SLC26A9: variants seen among roughly 807,000 people sequenced by gnomAD.
SLC26A9 encodes the protein anion transporter/exchanger protein 9.
Under a neutral mutation model 87.1 loss-of-function variants are expected in SLC26A9, and 46 were observed. The ratio of observed to expected loss-of-function variants is 0.53; its 90% CI spans 0.42 to 0.67. SLC26A9 has a LOEUF of 0.67. SLC26A9 is among the 30% of genes least tolerant of loss of function. The pLI is 0.00. For synonymous variants in SLC26A9, 437 were observed against 409.1 expected, an observed-to-expected ratio of 1.07 and a Z score of -0.82; for missense variants, 927 against 1,018.3, an observed-to-expected ratio of 0.91 and a Z score of 1.22.
Position 205,915,209 on chromosome 1 carries a change from G to A in SLC26A9, c.*148C>T, listed in dbSNP as rs1558116713. ...CTGGAGATGCGGGGAGGGAAGGAAG[G>A]GAGGAGAGAGGGGGAGAGGAGAGAG... On this transcript the variant is annotated 3_prime_UTR_variant, in exon 21 of 21. Coordinates refer to ENST00000367135, the MANE Select transcript of SLC26A9 (RefSeq NM_052934.4). The A allele has an allele frequency of 1.2e-6, 2 of 1,608,414 alleles. No individual in the cohort carries two copies. The highest frequency in any genetic ancestry group is 4.5e-5 in the East Asian group (2 of 44,776).
At chr1:205,928,959 G>A (rs1038192853) in intron 7 of SLC26A9, 50 bp from the exon 8 acceptor site, 23 of 1,593,862 alleles carry the variant, frequency 1.4e-5, no homozygotes, top group Non-Finnish European at 1.8e-5. Flanking sequence ...GTGGGGCCAG[G>A]GCAGGCGTCT....
chr1:205,916,616 T>A (rs1222420207), intron 20 of SLC26A9, among the ~76,000 whole-genome samples: 1 of 152,170 alleles, frequency 6.6e-6, no homozygotes, highest in East Asian at 1.9e-4. Flanking sequence ...GCCAATCTTG[T>A]GTGGTGGATG....
At chr1:205,922,129 G>A (rs978020461) in intron 16 of SLC26A9, among the ~76,000 whole-genome samples, 3 of 152,108 alleles carry the variant, frequency 2.0e-5, no homozygotes, top group African/African-American at 4.8e-5. Flanking sequence ...AAGCCCCTCC[G>A]GGGACACTGA....
At position 205,940,813 on chromosome 1, in the gene SLC26A9, T is replaced by G. The variant is rs567006801; in HGVS notation, c.-19+2552A>C. On this transcript the variant is annotated intron_variant, in intron 1 of 20. Coordinates refer to ENST00000367135, the MANE Select transcript of SLC26A9 (RefSeq NM_052934.4). Reference sequence around the variant, plus strand: ...CTTCCTCCCTCAGTCCTGTCGGGGGTGTGCATGTGAGGGAGGGGGTTTTTG... The same window carrying G: ...CTTCCTCCCTCAGTCCTGTCGGGGGGGTGCATGTGAGGGAGGGGGTTTTTG... 3.3e-5 allele frequency among the ~76,000 whole-genome samples: 5 copies of G among 151,830 alleles called. No homozygotes were observed. In the South Asian group the frequency reaches 8.3e-4, roughly 25 times the overall value.
chr1:205,924,112 C>A (rs1658964817), intron 13 of SLC26A9, among the ~76,000 whole-genome samples: 1 of 152,154 alleles, frequency 6.6e-6, no homozygotes, highest in South Asian at 2.1e-4. Context: ...TGCCCTTGCC[C>A]TCCTTTCTCT....
intron 8 of SLC26A9, 68 bp from the exon 9 acceptor site, chr1:205,928,117 C>T: frequency 6.4e-7 from 1 of 1,554,758 alleles, no homozygotes; most frequent in Non-Finnish European, 8.7e-7. Flanking sequence ...AGTCCTTCAC[C>T]AGCCCACAGG....
intron 12 of SLC26A9, chr1:205,924,856 T>C: frequency 5.3e-6 from 1 of 187,066 alleles, no homozygotes. Context: ...TGTAGTGCAG[T>C]GGCAAGATCA....
rs767516646 is a variant in SLC26A9 at position 205,915,106 on chromosome 1, G to T, written c.*251C>A. The T allele has an allele frequency of 6.2e-7, 1 of 1,614,058 alleles. No individual in the cohort carries two copies. The highest frequency in any genetic ancestry group is 1.7e-5 in the Admixed American group (1 of 60,020). On this transcript the variant is annotated 3_prime_UTR_variant, in exon 21 of 21. Transcript: ENST00000367135. ...AGGAGGCTTGTCCATTGCGGCCAGG[G>T]CCTGACGGGTGAAGAGTGGGCTCAC...
rs570449309 is a variant in SLC26A9, at chr1:205,917,448, G to T, written c.2257-94C>A. 324 of 1,213,426 alleles carry T rather than the reference G, an allele frequency of 2.7e-4. 1 individual carries two copies. In the African/African-American group the frequency reaches 4.1e-3, roughly 15 times the overall value. The allele number at this position is 1,213,426 out of a possible 1,614,324, so 75.2% of individuals were successfully genotyped here. A position where few individuals can be genotyped will look rare whatever the true frequency, so the allele number is the denominator to read the frequency against. On this transcript the variant is annotated intron_variant, in intron 19 of 20. Transcript: ENST00000367135. ...GGAAAAGGGACAGGTGGCCGGCTCT[G>T]GTTGGACGCTGCTTCCTGACACATG...
intron 5 of SLC26A9, among the ~76,000 whole-genome samples, chr1:205,931,283 C>T (rs1659292119): frequency 6.6e-6 from 1 of 152,074 alleles, no homozygotes; most frequent in Non-Finnish European, 1.5e-5. Flanking sequence ...TTGGGTTTCT[C>T]CACGGGATAA....
chr1:205,925,780 C>T (rs377462513), intron 12 of SLC26A9, among the ~76,000 whole-genome samples: 10 of 152,286 alleles, frequency 6.6e-5, no homozygotes, highest in Non-Finnish European at 8.8e-5. Flanking sequence ...GTTTCATCAC[C>T]GTTAAGAAAG....
At chr1:205,930,500 C>T (rs899274478) in intron 5 of SLC26A9, among the ~76,000 whole-genome samples, 1 of 152,040 alleles carries the variant, frequency 6.6e-6, no homozygotes, top group Non-Finnish European at 1.5e-5. Flanking sequence ...TGCATTATTC[C>T]TGCCTGGGCC....
rs954775246 is a variant in SLC26A9, at chr1:205,917,350, G to A, written c.2261C>T (p.Pro754Leu). 4 of 1,613,894 alleles carry A rather than the reference G, an allele frequency of 2.5e-6. No homozygotes were observed. Among genetic ancestry groups the A allele is most frequent in the Non-Finnish European group, 3.4e-6 (4 of 1,179,960 alleles). Residue 754 changes from proline to leucine, a missense_variant, in exon 20 of 21, where the codon CCA (proline) becomes CTA (leucine). Transcript: ENST00000367135. The part of the protein sequence containing the change: ...VTPGHNFQGA[P>L]GDAELSLYDS... The stretch of plus-strand genomic sequence containing the variant: ...GTACAAGGAGAGCTCAGCATCCCCT[G>A]GAGCCTGGAAGGGAGGAAGCCAGTG...
Position 205,913,680 on chromosome 1 carries a change from T to G in SLC26A9, c.*1677A>C, listed in dbSNP as rs1658462039. 1 of 152,662 alleles carries G rather than the reference T, an allele frequency of 6.6e-6. No homozygotes were observed. Among genetic ancestry groups the G allele is most frequent in the Non-Finnish European group, 1.5e-5 (1 of 68,050 alleles). 9.5% of individuals were successfully genotyped at this position (152,662 alleles called of 1,614,324 possible). A position where few individuals can be genotyped will look rare whatever the true frequency, so the allele number is the denominator to read the frequency against. Reference sequence around the variant, plus strand: ...TTGGCACTTCGGGTGCTGGGCACGGTGAATCCCAGATAACATTGTCCTTCG... The same window carrying G: ...TTGGCACTTCGGGTGCTGGGCACGGGGAATCCCAGATAACATTGTCCTTCG... On this transcript the variant is annotated 3_prime_UTR_variant, in exon 21 of 21. Coordinates refer to ENST00000367135, the MANE Select transcript of SLC26A9 (RefSeq NM_052934.4).
At chr1:205,937,779 A>G (rs1453113696) in intron 1 of SLC26A9, among the ~76,000 whole-genome samples, 1 of 152,062 alleles carries the variant, frequency 6.6e-6, no homozygotes, top group Non-Finnish European at 1.5e-5. Context: ...CGGGGGCTCA[A>G]TGAGTGGGGA....
intron 1 of SLC26A9, among the ~76,000 whole-genome samples, chr1:205,938,099 AC>A (rs1483314505): frequency 6.6e-6 from 1 of 151,896 alleles, no homozygotes; most frequent in African/African-American, 2.4e-5. Flanking sequence ...GCTGAACCCT[AC>A]TATCCCAGCC....
chr1:205,942,389 T>G (rs1659783864), intron 1 of SLC26A9, among the ~76,000 whole-genome samples: 1 of 152,170 alleles, frequency 6.6e-6, no homozygotes, highest in African/African-American at 2.4e-5. Flanking sequence ...AAGGGTCATC[T>G]GCATGAGTGA....
intron 16 of SLC26A9, among the ~76,000 whole-genome samples, chr1:205,922,173 G>A (rs780921238): frequency 6.6e-6 from 1 of 152,212 alleles, no homozygotes; most frequent in African/African-American, 2.4e-5. Flanking sequence ...GTCTCCCTCT[G>A]TTGCCTAGGC....
chr1:205,932,863 A>G (rs763870669), intron 3 of SLC26A9, 51 bp from the exon 4 acceptor site: 1 of 1,599,008 alleles, frequency 6.3e-7, no homozygotes, highest in Non-Finnish European at 8.5e-7. Flanking sequence ...GCTTATGGGG[A>G]TCACAGAGGG....
Sources: allele counts gnomAD v4.1 joint callset (sites outside exome capture counted in the v4.1 genomes callset), GRCh38; gene constraint gnomAD v4.1.1; transcripts MANE v1.5; gene names NCBI Gene and HGNC (gene_info 2026-07-23, HGNC 2026-07-21).